PTPRU: variants seen among roughly 807,000 people sequenced by gnomAD.
PTPRU encodes the protein receptor-type tyrosine-protein phosphatase U.
In PTPRU, 69 loss-of-function variants were observed where a neutral mutation model predicts 166.3. The observed-to-expected ratio is 0.41, with a 90% CI of 0.34 to 0.51. PTPRU has a LOEUF of 0.51. Among genes scored for constraint, PTPRU ranks in the 20% least tolerant of loss-of-function variants. The pLI is 0.09. For synonymous variants in PTPRU, 793 were observed against 814.0 expected, an observed-to-expected ratio of 0.97 and a Z score of 0.44; for missense variants, 1,657 against 2,013.7, an observed-to-expected ratio of 0.82 and a Z score of 3.39.
At position 29,275,534 on chromosome 1, in the gene PTPRU, G is replaced by A; in HGVS notation, c.1231G>A (p.Val411Met). The A allele has an allele frequency of 3.7e-6, 6 of 1,614,214 alleles. No homozygotes were observed. The highest frequency in any genetic ancestry group is 4.5e-5 in the East Asian group (2 of 44,888). The change falls in exon 8 of 30, where the codon GTG (valine) becomes ATG (methionine). Residue 411 changes from valine to methionine, a missense_variant. Val to Met is a conservative substitution (Grantham distance 21). Transcript: ENST00000373779. ...TLQWEPLGYN[V>M]TRCHTYTVSL... ...GCAGTGGGAACCACTGGGCTACAAC[G>A]TGACGCGTTGCCACACCTATACTGT...
Position 29,279,669 on chromosome 1 carries a change from C to G in PTPRU, c.1765+12C>G, listed in dbSNP as rs748531850. On this transcript the variant is annotated intron_variant, in intron 10 of 29. Coordinates refer to ENST00000373779, the MANE Select transcript of PTPRU (RefSeq NM_133178.4). This position sits in a 1 kb window ranked among gnomAD's most constrained non-coding sequence, Gnocchi z 5.2. ...CACTAACATCTCTGGTGAGCCCCAC[C>G]TGACCCGGCCCAGCCTCTTCGGAGG... The G allele has an allele frequency of 7.5e-6, 12 of 1,608,838 alleles. No homozygotes were observed. In the Admixed American group the frequency reaches 2.0e-4, roughly 27 times the overall value.
intron 7 of PTPRU, among the ~76,000 whole-genome samples, chr1:29,268,108 T>C (rs1685384811): frequency 6.6e-6 from 1 of 152,148 alleles, no homozygotes; most frequent in Admixed American, 6.5e-5. Flanking sequence ...GACGTGGGTG[T>C]CATAGATCAG....
rs1415938198 is a variant in PTPRU, at chr1:29,236,540, G to GCCGCT, written c.-96_-92dup. On this transcript the variant is annotated 5_prime_UTR_variant, in exon 1 of 30. Transcript: ENST00000373779. This position sits in a 1 kb window ranked among gnomAD's most constrained non-coding sequence, Gnocchi z 4.6. ...CGGCGCCAGTCCCGCTCCGCGCCGC[G>GCCGCT]CCGCTCCGCTCCGGCTCGGGCTCCG... The GCCGCT allele has an allele frequency of 1.8e-3, 1,634 of 887,872 alleles. 7 individuals carry two copies. The highest frequency in any genetic ancestry group is 6.4e-3 in the Middle Eastern group (14 of 2,182). The allele number at this position is 887,872 out of a possible 1,614,324, so 55.0% of individuals were successfully genotyped here.
chr1:29,263,233 C>T (rs919048113), intron 7 of PTPRU, among the ~76,000 whole-genome samples: 4 of 152,196 alleles, frequency 2.6e-5, no homozygotes, highest in African/African-American at 9.7e-5. Flanking sequence ...GATCCGCCTG[C>T]CTTAGCCTCC....
intron 13 of PTPRU, among the ~76,000 whole-genome samples, 197 bp downstream of exon 13, chr1:29,284,173 C>G (rs1292267133): frequency 6.6e-6 from 1 of 152,090 alleles, no homozygotes; most frequent in Non-Finnish European, 1.5e-5. Flanking sequence ...ACAGCAGGGG[C>G]CTGGAGCAGG....
rs531410448 is a variant in PTPRU at position 29,255,142 on chromosome 1, T to C, written c.74-133T>C. 4.6e-5 allele frequency: 49 copies of C among 1,072,194 alleles called. 1 individual carries two copies. In the African/African-American group the frequency reaches 7.3e-4, roughly 16 times the overall value. The allele number at this position is 1,072,194 out of a possible 1,614,324, so 66.4% of individuals were successfully genotyped here. On this transcript the variant is annotated intron_variant, in intron 1 of 29. Coordinates refer to ENST00000373779, the MANE Select transcript of PTPRU (RefSeq NM_133178.4). ...GAATTTCACTAGAGGGAGGGAGCAGTGTGGGGAAGGGCCTGAAGAGAGGGA... is the reference window on the plus strand; with the variant it reads ...GAATTTCACTAGAGGGAGGGAGCAGCGTGGGGAAGGGCCTGAAGAGAGGGA...
At chr1:29,254,152 T>C (rs969967230) in intron 1 of PTPRU, among the ~76,000 whole-genome samples, 1 of 152,188 alleles carries the variant, frequency 6.6e-6, no homozygotes, top group African/African-American at 2.4e-5. Context: ...GGGTCTGGCA[T>C]GGTTTGCGCT....
At chr1:29,292,131 G>A in intron 15 of PTPRU, 105 bp downstream of exon 15, 2 of 1,391,090 alleles carry the variant, frequency 1.4e-6, no homozygotes, top group East Asian at 2.4e-5. Flanking sequence ...GCAACCAAAA[G>A]TGAAGCATCT....
chr1:29,289,848 C>A, intron 14 of PTPRU: 2 of 977,282 alleles, frequency 2.0e-6, no homozygotes, highest in South Asian at 1.4e-5. Flanking sequence ...CTGGTCACCT[C>A]GGCCTCTGAC....
Position 29,291,906 on chromosome 1 carries a change from C to G in PTPRU, c.2356C>G (p.Arg786Gly), listed in dbSNP as rs1305540982. The change falls in exon 15 of 30, where the codon CGC becomes GGC. Residue 786 changes from arginine to glycine, a missense_variant. By Grantham distance (125) the Arg-to-Gly change is moderately radical. Coordinates refer to ENST00000373779, the MANE Select transcript of PTPRU (RefSeq NM_133178.4). The surrounding 1 kb of genome is among the most constrained non-coding windows in gnomAD (Gnocchi z 4.1). ...VNMTKATVNYRQEKTHMMSAV... is the reference protein window; with the variant it reads ...VNMTKATVNYGQEKTHMMSAV... The stretch of plus-strand genomic sequence containing the variant: ...CATGACCAAGGCCACCGTCAACTAC[C>G]GCCAGGAGAAGACACACATGATGAG... 2 of 1,613,984 alleles carry G rather than the reference C, an allele frequency of 1.2e-6. No individual in the cohort carries two copies. The highest frequency in any genetic ancestry group is 2.7e-5 in the African/African-American group (2 of 74,916).
rs970138479 is a variant in PTPRU at position 29,237,221 on chromosome 1, C to T, written c.73+504C>T. ...TCCCGCCTGAGTGTGGATCCGGGAA[C>T]GCGTGTGTGGCGTGTGTGCTTTTGA... On this transcript the variant is annotated intron_variant, in intron 1 of 29. Transcript: ENST00000373779. The surrounding 1 kb of genome is among the most constrained non-coding windows in gnomAD (Gnocchi z 6.4). Among the ~76,000 whole-genome samples, 5 of 149,876 alleles carry T rather than the reference C, an allele frequency of 3.3e-5. No individual in the cohort carries two copies. The highest frequency in any genetic ancestry group is 1.2e-4 in the African/African-American group (5 of 40,542).
In PTPRU at chr1:29,311,881, G is replaced by A. The variant is rs762871367; in HGVS notation, c.3072+122G>A. 1,155 of 983,922 alleles carry A rather than the reference G, an allele frequency of 1.2e-3. 2 individuals carry two copies. Among genetic ancestry groups the A allele is most frequent in the Non-Finnish European group, 1.3e-3 (820 of 649,718 alleles). The allele number at this position is 983,922 out of a possible 1,614,324, so 60.9% of individuals were successfully genotyped here. A position where few individuals can be genotyped will look rare whatever the true frequency, so the allele number is the denominator to read the frequency against. ...AGCGCACCACTGCCCATCCCAGCAA[G>A]GAAGCTACTTGGTCACTGTTGGCTG... On this transcript the variant is annotated intron_variant, in intron 21 of 29. Transcript: ENST00000373779. This position sits in a 1 kb window ranked among gnomAD's most constrained non-coding sequence, Gnocchi z 4.1.
At chr1:29,244,875 G>A (rs1399168548) in intron 1 of PTPRU, among the ~76,000 whole-genome samples, 1 of 152,184 alleles carries the variant, frequency 6.6e-6, no homozygotes, top group African/African-American at 2.4e-5. Context: ...GTATTTGCAT[G>A]CGTGCGGTCA....
intron 28 of PTPRU, among the ~76,000 whole-genome samples, chr1:29,324,167 C>CCCATCCAT (rs373968731): frequency 1.8e-4 from 27 of 152,068 alleles, no homozygotes; most frequent in Non-Finnish European, 3.1e-4. Flanking sequence ...CATCCATCCA[C>CCCATCCAT]CCATCCATCC....
chr1:29,292,277 G>A (rs1686676811), intron 15 of PTPRU, among the ~76,000 whole-genome samples: 1 of 152,216 alleles, frequency 6.6e-6, no homozygotes, highest in Admixed American at 6.5e-5. Context: ...TCGTCAAGGA[G>A]GAGGTGCTGC....
Position 29,320,867 on chromosome 1 carries a change from A to T in PTPRU, c.3828+42A>T, listed in dbSNP as rs570056420. 2 of 1,505,472 alleles carry T rather than the reference A, an allele frequency of 1.3e-6. No individual in the cohort carries two copies. The highest frequency in any genetic ancestry group is 2.7e-5 in the South Asian group (2 of 74,584). The allele number at this position is 1,505,472 out of a possible 1,614,324, so 93.3% of individuals were successfully genotyped here. ...CCAGGCCAATGGGCCGCCTGCTCCC[A>T]GGTCCTCTGTGTATTCAGGGCCATG... On this transcript the variant is annotated intron_variant, in intron 26 of 29. Transcript: ENST00000373779. The surrounding 1 kb of genome is among the most constrained non-coding windows in gnomAD (Gnocchi z 5.2).
rs575087292 is a variant in PTPRU, at chr1:29,290,667, A to G, written c.2319-1202A>G. On this transcript the variant is annotated intron_variant, in intron 14 of 29. Transcript: ENST00000373779. ...TTTTCCAACAACTCAACACCCAGCG[A>G]CTCGCGCTGAGCCCCCAGCTCGGCT... is the stretch of plus-strand genomic sequence containing the variant. 6.6e-5 allele frequency among the ~76,000 whole-genome samples: 10 copies of G among 152,194 alleles called. No individual in the cohort carries two copies. The South Asian group carries it at 2.1e-3, about 32-fold the overall frequency.
intron 8 of PTPRU, among the ~76,000 whole-genome samples, chr1:29,276,360 G>C (rs1685805157): frequency 6.6e-6 from 1 of 152,126 alleles, no homozygotes. Context: ...CTTTTGTCCA[G>C]GTGGGAGTGC....
intron 15 of PTPRU, among the ~76,000 whole-genome samples, chr1:29,302,740 G>A (rs967812391): frequency 7.9e-5 from 12 of 151,882 alleles, no homozygotes; most frequent in African/African-American, 2.7e-4. Context: ...TAGTAGAGAC[G>A]GGGTTTCACC....
Sources: allele counts gnomAD v4.1 joint callset (sites outside exome capture counted in the v4.1 genomes callset), GRCh38; gene constraint gnomAD v4.1.1; non-coding constraint Gnocchi (gnomAD v3.1); transcripts MANE v1.5; gene names NCBI Gene and HGNC (gene_info 2026-07-23, HGNC 2026-07-21).